Variants in BICD1 observed in about 807,000 individuals in gnomAD.
BICD1 encodes the protein protein bicaudal D homolog 1.
BICD1 carries 35 observed loss-of-function variants against 92.5 expected under a neutral mutation model. That is an observed-to-expected ratio of 0.38 (90% CI 0.29 to 0.50). BICD1 has a LOEUF of 0.50. Among genes scored for constraint, BICD1 ranks in the 20% least tolerant of loss-of-function variants. The pLI, the probability that BICD1 is intolerant of heterozygous loss-of-function variation, is 0.93. For synonymous variants in BICD1, 429 were observed against 465.1 expected, an observed-to-expected ratio of 0.92 and a Z score of 1.00; for missense variants, 950 against 1,189.8, an observed-to-expected ratio of 0.80 and a Z score of 2.97.
intron 1 of BICD1, among the ~76,000 whole-genome samples, chr12:32,133,352 G>A (rs1051672387): frequency 3.9e-5 from 6 of 151,986 alleles, no homozygotes; most frequent in East Asian, 3.9e-4. Flanking sequence ...GCCGGGTATG[G>A]TGGTGCACAC....
At chr12:32,277,873 T>C (rs191390629) in intron 2 of BICD1, among the ~76,000 whole-genome samples, 10 of 152,360 alleles carry the variant, frequency 6.6e-5, no homozygotes, top group Admixed American at 6.5e-4. Flanking sequence ...TTGAGTATAA[T>C]TCCACTTTAA....
At chr12:32,188,258 T>G (rs988883163) in intron 1 of BICD1, among the ~76,000 whole-genome samples, 1 of 152,200 alleles carries the variant, frequency 6.6e-6, no homozygotes, top group Non-Finnish European at 1.5e-5. Context: ...GCAATTTTAT[T>G]TACTATTTAA....
chr12:32,147,392 G>A (rs890406694), intron 1 of BICD1, among the ~76,000 whole-genome samples: 4 of 152,126 alleles, frequency 2.6e-5, no homozygotes, highest in Non-Finnish European at 5.9e-5. Flanking sequence ...CGTTCAGGTG[G>A]CGGTGGTGGA....
At chr12:32,325,631 A>G (rs1292665588) in intron 4 of BICD1, among the ~76,000 whole-genome samples, 6 of 152,180 alleles carry the variant, frequency 3.9e-5, no homozygotes, top group Non-Finnish European at 8.8e-5. Flanking sequence ...TTACATATAC[A>G]CATGTGTATC....
chr12:32,126,547 A>G (rs1010739035), intron 1 of BICD1, among the ~76,000 whole-genome samples: 23 of 152,058 alleles, frequency 1.5e-4, no homozygotes, highest in Admixed American at 2.6e-4. Flanking sequence ...ACTTGATACC[A>G]GGAGTTCGAG....
intron 2 of BICD1, among the ~76,000 whole-genome samples, chr12:32,262,973 G>A (rs1028403595): frequency 2.7e-4 from 40 of 150,642 alleles, no homozygotes; most frequent in African/African-American, 5.1e-4. Flanking sequence ...GTGAAATCTC[G>A]TCTCTATTGA....
chr12:32,154,879 A>G (rs1943393679), intron 1 of BICD1, among the ~76,000 whole-genome samples: 1 of 152,168 alleles, frequency 6.6e-6, no homozygotes, highest in African/African-American at 2.4e-5. Context: ...TGGGTTGTCG[A>G]TAAACCTCCT....
chr12:32,245,578 A>G (rs1029809222), intron 2 of BICD1, among the ~76,000 whole-genome samples: 13 of 152,164 alleles, frequency 8.5e-5, no homozygotes, highest in Non-Finnish European at 1.5e-4. Flanking sequence ...TTGGATTTGA[A>G]TCATGGCCCT....
rs16919790 is a variant in BICD1 at position 32,354,609 on chromosome 12, T to A, written c.2765-13061T>A. Among the ~76,000 whole-genome samples the A allele has an allele frequency of 8.5e-4, 129 of 152,310 alleles. 3 individuals carry two copies. The East Asian group carries it at 0.02, about 23-fold the overall frequency. On this transcript the variant is annotated intron_variant, in intron 8 of 9. Coordinates refer to ENST00000652176, the MANE Select transcript of BICD1 (RefSeq NM_001714.4). Reference sequence around the variant, plus strand: ...ACCCGATAAGTCAGAAATTACACTATCATCTGTGGGTACTTTTAGAATAAC... The same window carrying A: ...ACCCGATAAGTCAGAAATTACACTAACATCTGTGGGTACTTTTAGAATAAC...
rs555237184 is a variant in BICD1 at position 32,306,069 on chromosome 12, T to G, written c.952T>G (p.Phe318Val). The G allele has an allele frequency of 3.7e-6, 6 of 1,613,260 alleles. No individual in the cohort carries two copies. The Admixed American group carries it at 6.7e-5, about 18-fold the overall frequency. ...GESLNPVSDL[F>V]SELNISEIQK... ...GTCTCTGAACCCTGTCTCTGACTTA[T>G]TCAGTGAGCTGAACATTTCAGAAAT... The change falls in exon 4 of 10, where the codon TTC (phenylalanine) becomes GTC (valine). Residue 318 changes from phenylalanine (F) to valine (V), a missense_variant. Coordinates refer to ENST00000652176, the MANE Select transcript of BICD1 (RefSeq NM_001714.4).
In BICD1 at chr12:32,213,054, A is replaced by C. The variant is rs556972588; in HGVS notation, c.214-3193A>C. Among the ~76,000 whole-genome samples, 368 of 152,336 alleles carry C rather than the reference A, an allele frequency of 2.4e-3. 2 individuals carry two copies. Among genetic ancestry groups the C allele is most frequent in the African/African-American group, 8.5e-3 (354 of 41,578 alleles). ...TACATAATCATAGTACAGTGAAGGA[A>C]ACAGAAATTGACGTTGATACAATAG... On this transcript the variant is annotated intron_variant, in intron 1 of 9. Coordinates refer to ENST00000652176, the MANE Select transcript of BICD1 (RefSeq NM_001714.4).
intron 1 of BICD1, among the ~76,000 whole-genome samples, chr12:32,154,311 T>C (rs1428112856): frequency 6.6e-6 from 1 of 152,208 alleles, no homozygotes; most frequent in Admixed American, 6.5e-5. Context: ...GCGAGGTCTA[T>C]TGGAGAGCTG....
intron 1 of BICD1, among the ~76,000 whole-genome samples, chr12:32,118,860 C>T (rs1204489824): frequency 1.3e-5 from 2 of 152,202 alleles, no homozygotes; most frequent in East Asian, 1.9e-4. Context: ...GCTACTGTGT[C>T]GGGCATGGTG....
At chr12:32,333,534 C>G (rs35531683) in intron 5 of BICD1, among the ~76,000 whole-genome samples, 1,715 of 151,110 alleles carry the variant, frequency 0.011, 56 homozygotes, top group African/African-American at 0.04. Context: ...CCAAGGTAGT[C>G]TTCCTGGGAA....
At chr12:32,377,516 G>GTTTCTTGTT (rs1357993226) in intron 9 of BICD1, 24 bp from the exon 10 acceptor site, 1 of 1,596,132 alleles carries the variant, frequency 6.3e-7, no homozygotes, top group East Asian at 2.2e-5. Flanking sequence ...GTTTCTTGCT[G>GTTTCTTGTT]ACGTGCTTGT....
chr12:32,199,121 A>G (rs17528414), intron 1 of BICD1, among the ~76,000 whole-genome samples: 6,282 of 152,318 alleles, frequency 0.041, 203 homozygotes, highest in Middle Eastern at 0.15. Context: ...ATAAGTTATG[A>G]GTGAGAATAC....
chr12:32,144,514 T>G (rs1943046669), intron 1 of BICD1, among the ~76,000 whole-genome samples: 1 of 152,190 alleles, frequency 6.6e-6, no homozygotes, highest in Non-Finnish European at 1.5e-5. Flanking sequence ...ACCAGCAAAA[T>G]ATGTCTTCTT....
chr12:32,192,420 C>T lies in BICD1; in HGVS notation c.214-23827C>T, dbSNP rs747739184. ...TTGCACTCCAGCCTGGGTGGCAGAG[C>T]GAGACTCTGTTAAATAAATAAATAA... On this transcript the variant is annotated intron_variant, in intron 1 of 9. Coordinates refer to ENST00000652176, the MANE Select transcript of BICD1 (RefSeq NM_001714.4). Among the ~76,000 whole-genome samples, 72 of 148,584 alleles carry T rather than the reference C, an allele frequency of 4.8e-4. 1 individual carries two copies. The highest frequency in any genetic ancestry group is 1.3e-4 in the Non-Finnish European group (9 of 67,272).
chr12:32,317,300 C>T (rs1466076881), intron 4 of BICD1, among the ~76,000 whole-genome samples: 3 of 152,156 alleles, frequency 2.0e-5, no homozygotes, highest in Admixed American at 6.5e-5. Flanking sequence ...CCACAATGGT[C>T]GAACTAGTTT....
Sources: allele counts gnomAD v4.1 joint callset (sites outside exome capture counted in the v4.1 genomes callset), GRCh38; gene constraint gnomAD v4.1.1; transcripts MANE v1.5; gene names NCBI Gene and HGNC (gene_info 2026-07-23, HGNC 2026-07-21).